Variants in ABCC4 observed in about 807,000 individuals in gnomAD.
ABCC4 encodes ATP binding cassette subfamily C member 4 (PEL blood group).
A neutral mutation model predicts 168.5 loss-of-function variants in ABCC4; 102 were observed. That is an observed-to-expected ratio of 0.61 (90% CI 0.52 to 0.71). The LOEUF (loss-of-function observed/expected upper bound fraction) is 0.71. ABCC4 is among the 30% of genes least tolerant of loss of function. The pLI, the probability that ABCC4 is intolerant of heterozygous loss-of-function variation, is 0.00. For missense variants in ABCC4, 1,402 were observed against 1,605.8 expected, an observed-to-expected ratio of 0.87 and a Z score of 2.17; for synonymous variants, 617 against 590.7, an observed-to-expected ratio of 1.04 and a Z score of -0.65.
At chr13:95,138,015 A>C (rs556508737) in intron 19 of ABCC4, among the ~76,000 whole-genome samples, 2 of 152,144 alleles carry the variant, frequency 1.3e-5, no homozygotes, top group African/African-American at 4.8e-5. Flanking sequence ...CCAATACTGA[A>C]CAGCATTTTT....
rs553759698 is a variant in ABCC4, at chr13:95,157,125, C to T, written c.2455+4064G>A. On this transcript the variant is annotated intron_variant, in intron 19 of 30. Transcript: ENST00000645237. ...ACACACACACACACACACACACACA[C>T]ACACAAACAGTCACCATTTGTCCAC... Among the ~76,000 whole-genome samples, 1,182 of 141,018 alleles carry T rather than the reference C, an allele frequency of 8.4e-3. 13 individuals are homozygous for T. The highest frequency in any genetic ancestry group is 0.014 in the Non-Finnish European group (920 of 65,362). 92.5% of individuals were successfully genotyped at this position (141,018 alleles called of 152,430 possible).
intron 29 of ABCC4, among the ~76,000 whole-genome samples, chr13:95,035,372 G>A (rs1273453042): frequency 6.6e-6 from 1 of 152,150 alleles, no homozygotes; most frequent in East Asian, 1.9e-4. Flanking sequence ...GAGAGAGAAA[G>A]GCTAGCCGAA....
At chr13:95,210,854 C>G in intron 4 of ABCC4, 73 bp from the exon 5 acceptor site, 2 of 1,126,358 alleles carry the variant, frequency 1.8e-6, no homozygotes, top group Non-Finnish European at 2.6e-6. Context: ...CACAGCAGAC[C>G]TGAGGAAGTC....
rs1419080460 is a variant in ABCC4 at position 95,034,474 on chromosome 13, A to G, written c.3870+131T>C. ...CGGGACGTGCCGTTAAGACCCACTC[A>G]TGAAGCTTTGTCTCTGCAGGCTTAT... is the stretch of plus-strand genomic sequence containing the variant. On this transcript the variant is annotated intron_variant, in intron 30 of 30. Coordinates refer to ENST00000645237, the MANE Select transcript of ABCC4 (RefSeq NM_005845.5). 4 of 1,331,002 alleles carry G rather than the reference A, an allele frequency of 3.0e-6. No individual in the cohort carries two copies. The African/African-American group carries it at 5.9e-5, about 20-fold the overall frequency. 82.4% of individuals were successfully genotyped at this position (1,331,002 alleles called of 1,614,324 possible). A position where few individuals can be genotyped will look rare whatever the true frequency, so the allele number is the denominator to read the frequency against.
chr13:95,071,993 C>T, intron 24 of ABCC4, 140 bp from the exon 25 acceptor site: 1 of 594,658 alleles, frequency 1.7e-6, no homozygotes, highest in Non-Finnish European at 2.6e-6. Context: ...ATGTTGATGA[C>T]TTACAAATTT....
chr13:95,160,898 T>C (rs903056463), intron 19 of ABCC4, among the ~76,000 whole-genome samples: 18 of 152,258 alleles, frequency 1.2e-4, no homozygotes, highest in African/African-American at 4.3e-4. Flanking sequence ...GATGCTTCAC[T>C]TGCCTCACAG....
At chr13:95,158,403 T>A (rs1249810746) in intron 19 of ABCC4, among the ~76,000 whole-genome samples, 2 of 152,072 alleles carry the variant, frequency 1.3e-5, no homozygotes, top group Non-Finnish European at 2.9e-5. Context: ...GAGATGGGGA[T>A]ATGAGGGACG....
At chr13:95,249,969 T>C (rs990846464) in intron 1 of ABCC4, among the ~76,000 whole-genome samples, 2 of 152,190 alleles carry the variant, frequency 1.3e-5, no homozygotes. Context: ...TATTAGAGGA[T>C]GACACAAATC....
chr13:95,134,577 G>A (rs554131883), intron 19 of ABCC4, among the ~76,000 whole-genome samples: 68 of 152,164 alleles, frequency 4.5e-4, no homozygotes, highest in African/African-American at 1.5e-3. Context: ...AAAGCTAGCC[G>A]GAGGAGGTGG....
At chr13:95,172,372 G>C (rs1349397836) in intron 13 of ABCC4, among the ~76,000 whole-genome samples, 1 of 151,876 alleles carries the variant, frequency 6.6e-6, no homozygotes, top group Non-Finnish European at 1.5e-5. Context: ...ACTTGAGGTC[G>C]GGAGTTCAAG....
intron 20 of ABCC4, among the ~76,000 whole-genome samples, chr13:95,092,832 C>A (rs545174239): frequency 1.7e-3 from 257 of 151,940 alleles, no homozygotes; most frequent in African/African-American, 5.9e-3. Flanking sequence ...AGGCCATTAG[C>A]AAGATTAACC....
chr13:95,283,590 A>G (rs1387876948), intron 1 of ABCC4, among the ~76,000 whole-genome samples: 2 of 151,894 alleles, frequency 1.3e-5, no homozygotes, highest in Admixed American at 6.6e-5. Context: ...TTTTCTGAAG[A>G]GCATCTCATG....
chr13:95,221,931 G>A (rs1161079776), intron 4 of ABCC4, among the ~76,000 whole-genome samples: 1 of 152,038 alleles, frequency 6.6e-6, no homozygotes, highest in Non-Finnish European at 1.5e-5. Flanking sequence ...TGTTCCCTTC[G>A]CCATCCTCTA....
chr13:95,295,705 T>C lies in ABCC4; in HGVS notation c.74+5536A>G, dbSNP rs565581481. Among the ~76,000 whole-genome samples, 60 of 139,742 alleles carry C rather than the reference T, an allele frequency of 4.3e-4. 1 individual carries two copies. In the South Asian group the frequency reaches 6.5e-3, roughly 15 times the overall value. 91.7% of individuals were successfully genotyped at this position (139,742 alleles called of 152,430 possible). On this transcript the variant is annotated intron_variant, in intron 1 of 30. Coordinates refer to ENST00000645237, the MANE Select transcript of ABCC4 (RefSeq NM_005845.5). ...GGTGTCCAGGTGCGGTGGCTCATGC[T>C]TGTAATCCCAGCACTTTGGGAGGCC...
At chr13:95,153,471 CAGAGAGAGAG>C (rs1372071673) in intron 19 of ABCC4, among the ~76,000 whole-genome samples, 1 of 151,704 alleles carries the variant, frequency 6.6e-6, no homozygotes, top group Non-Finnish European at 1.5e-5. Flanking sequence ...TCGAGAGAGA[CAGAGAGAGAG>C]AGATACAGGC....
At chr13:95,212,945 C>T (rs2478462) in intron 4 of ABCC4, among the ~76,000 whole-genome samples, 151,948 of 152,246 alleles carry the variant, frequency 1, 75,828 homozygotes, top group East Asian at 1. Flanking sequence ...CTGGTCAACA[C>T]GGTGAATCCC....
chr13:95,235,035 T>G (rs577007605), intron 3 of ABCC4, among the ~76,000 whole-genome samples: 1 of 151,934 alleles, frequency 6.6e-6, no homozygotes, highest in Non-Finnish European at 1.5e-5. Flanking sequence ...GGACTACAAG[T>G]GCACACCATC....
chr13:95,295,107 C>T (rs908744593), intron 1 of ABCC4, among the ~76,000 whole-genome samples: 4 of 152,148 alleles, frequency 2.6e-5, no homozygotes, highest in African/African-American at 9.7e-5. Flanking sequence ...CTGAGAAAGA[C>T]CTGAGAAACG....
chr13:95,029,139 C>A (rs1208558381), intron 30 of ABCC4, among the ~76,000 whole-genome samples: 5 of 141,730 alleles, frequency 3.5e-5, no homozygotes, highest in African/African-American at 1.3e-4. Flanking sequence ...GCCTGGGCAA[C>A]AGGAGTGAAA....
Sources: allele counts gnomAD v4.1 joint callset (sites outside exome capture counted in the v4.1 genomes callset), GRCh38; gene constraint gnomAD v4.1.1; transcripts MANE v1.5; gene names NCBI Gene and HGNC (gene_info 2026-07-23, HGNC 2026-07-21).